Variants in EEA1 observed in about 807,000 individuals in gnomAD.
The protein encoded by EEA1 is early endosome antigen 1.
EEA1 carries 111 observed loss-of-function variants against 209.2 expected under a neutral mutation model. That is an observed-to-expected ratio of 0.53 (90% CI 0.45 to 0.62). The LOEUF (loss-of-function observed/expected upper bound fraction) is 0.62. Ranked by LOEUF, EEA1 falls within the 20% of genes least tolerant of loss-of-function variation. EEA1 has a pLI of 0.00. For synonymous variants in EEA1, 536 were observed against 540.6 expected (o/e 0.99, Z 0.12); for missense variants, 1,343 against 1,530.8 (o/e 0.88, Z 2.05).
At chr12:92,829,774 G>C (rs1592724154) in intron 11 of EEA1, among the ~76,000 whole-genome samples, 2 of 82,938 alleles carry the variant, frequency 2.4e-5, no homozygotes, top group African/African-American at 1.1e-4. Context: ...GTGAAACTCT[G>C]TCTTAAAAAA....
chr12:92,836,179 T>C (rs1876922432), intron 10 of EEA1, among the ~76,000 whole-genome samples: 1 of 152,216 alleles, frequency 6.6e-6, no homozygotes, highest in Admixed American at 6.5e-5. Context: ...TCATGGATTA[T>C]GATTCTAAAT....
At position 92,775,202 on chromosome 12, in the gene EEA1, G is replaced by C. The variant is rs1873603461; in HGVS notation, c.*809C>G. 6.6e-6 allele frequency: 1 copy of C among 151,634 alleles called. No individual in the cohort carries two copies. Among genetic ancestry groups the C allele is most frequent in the Admixed American group, 6.6e-5 (1 of 15,168 alleles). The allele number at this position is 151,634 out of a possible 1,614,324, so 9.4% of individuals were successfully genotyped here. A position where few individuals can be genotyped will look rare whatever the true frequency, so the allele number is the denominator to read the frequency against. On this transcript the variant is annotated 3_prime_UTR_variant, in exon 29 of 29. Coordinates refer to ENST00000322349, the MANE Select transcript of EEA1 (RefSeq NM_003566.4). ...TTTATTATTCATCCTCCAACTGACA[G>C]CGAGGGTAAGAAGCTTTCTAAGATT...
chr12:92,891,795 T>C, intron 1 of EEA1, 74 bp from the exon 2 acceptor site: 2 of 1,060,792 alleles, frequency 1.9e-6, no homozygotes, highest in Non-Finnish European at 2.8e-6. Context: ...CATTTAATAA[T>C]CTAAACCTTT....
rs149721569 is a variant in EEA1, at chr12:92,838,601, T to C, written c.915+3864A>G. 7.0e-4 allele frequency among the ~76,000 whole-genome samples: 106 copies of C among 152,140 alleles called. No homozygotes were observed. The East Asian group carries it at 9.9e-3, about 14-fold the overall frequency. The stretch of plus-strand genomic sequence containing the variant: ...AACATCAATCAACACCAAGAGTTGA[T>C]GGGGAAAGGGGCAATGGTAAACTGG... On this transcript the variant is annotated intron_variant, in intron 10 of 28. Coordinates refer to ENST00000322349, the MANE Select transcript of EEA1 (RefSeq NM_003566.4).
chr12:92,779,608 C>A (rs916505314), intron 24 of EEA1, among the ~76,000 whole-genome samples: 1 of 152,058 alleles, frequency 6.6e-6, no homozygotes, highest in Non-Finnish European at 1.5e-5. Flanking sequence ...TTAGTTATCA[C>A]ACACTGAGTT....
chr12:92,853,891 A>C (rs1253342568), intron 6 of EEA1, 24 bp downstream of exon 6: 5 of 1,588,158 alleles, frequency 3.1e-6, no homozygotes, highest in Non-Finnish European at 4.3e-6. Context: ...AAACTGACAA[A>C]ATATCTGCTT....
intron 2 of EEA1, among the ~76,000 whole-genome samples, chr12:92,872,260 G>A (rs970784779): frequency 8.6e-5 from 13 of 151,996 alleles, no homozygotes; most frequent in African/African-American, 3.1e-4. Flanking sequence ...TGTTGGCCAG[G>A]CTGGTCTCCA....
At chr12:92,903,008 T>C (rs1326564696) in intron 1 of EEA1, among the ~76,000 whole-genome samples, 3 of 151,044 alleles carry the variant, frequency 2.0e-5, no homozygotes, top group Non-Finnish European at 4.4e-5. Flanking sequence ...GATCTTGACT[T>C]ACTGCAAGCT....
intron 22 of EEA1, among the ~76,000 whole-genome samples, chr12:92,784,970 C>T (rs1333149244): frequency 6.7e-6 from 1 of 149,388 alleles, no homozygotes; most frequent in African/African-American, 2.5e-5. Context: ...ATGATTTCTG[C>T]AGTGTTCCAT....
intron 28 of EEA1, among the ~76,000 whole-genome samples, chr12:92,776,625 T>TA: frequency 6.6e-6 from 1 of 151,940 alleles, no homozygotes; most frequent in East Asian, 1.9e-4. Context: ...TCCCAGACAG[T>TA]AACTAAGTTG....
Position 92,857,342 on chromosome 12 carries a change from TAATA to T in EEA1, c.301-6_301-3del. On this transcript the variant is annotated splice_polypyrimidine_tract_variant and splice_region_variant and intron_variant, in intron 4 of 28. Transcript: ENST00000322349. ...TTCTTCCGAGTACCATTTTTCTTCC[TAATA>T]AAAAAGATTTTTAATTAGTAAATTT... The T allele has an allele frequency of 6.3e-7, 1 of 1,584,486 alleles. No individual in the cohort carries two copies. Among genetic ancestry groups the T allele is most frequent in the Non-Finnish European group, 8.6e-7 (1 of 1,168,120 alleles).
Position 92,826,185 on chromosome 12 carries a change from G to A in EEA1, c.1505C>T (p.Ala502Val). 2 of 1,613,236 alleles carry A rather than the reference G, an allele frequency of 1.2e-6. No individual in the cohort carries two copies. Among genetic ancestry groups the A allele is most frequent in the Non-Finnish European group, 8.5e-7 (1 of 1,179,488 alleles). Residue 502 changes from alanine to valine, a missense_variant, in exon 13 of 29, where the codon GCA (alanine) becomes GTA (valine). Physicochemically the swap from Ala to Val is moderately conservative, Grantham distance 64. Coordinates refer to ENST00000322349, the MANE Select transcript of EEA1 (RefSeq NM_003566.4). ...EQQALQQSTT[A>V]KLREAQNDLE... ...GTTTACCTGAGCTTCTCGAAGTTTT[G>A]CCGTGGTGCTTTGCTGAAGAGCCTG...
chr12:92,826,810 T>G (rs1162801295), intron 12 of EEA1, among the ~76,000 whole-genome samples: 2 of 152,236 alleles, frequency 1.3e-5, no homozygotes, highest in East Asian at 3.9e-4. Flanking sequence ...TAAATAGGCT[T>G]ATCCTAAAAA....
At chr12:92,818,481 T>C (rs1366223931) in intron 14 of EEA1, among the ~76,000 whole-genome samples, 2 of 152,212 alleles carry the variant, frequency 1.3e-5, no homozygotes, top group African/African-American at 4.8e-5. Context: ...AGAAACAGAT[T>C]TATTTTAATT....
chr12:92,839,407 G>T (rs1378622715), intron 10 of EEA1, among the ~76,000 whole-genome samples: 1 of 152,134 alleles, frequency 6.6e-6, no homozygotes, highest in Non-Finnish European at 1.5e-5. Flanking sequence ...ATCAAATAAA[G>T]AAAGCCACAA....
chr12:92,903,617 A>G (rs775010344), intron 1 of EEA1, among the ~76,000 whole-genome samples: 32 of 152,062 alleles, frequency 2.1e-4, no homozygotes, highest in Non-Finnish European at 4.4e-4. Context: ...AAGAAAAATG[A>G]GAATGCATAT....
At chr12:92,877,676 G>A (rs530594451) in intron 2 of EEA1, among the ~76,000 whole-genome samples, 32 of 151,954 alleles carry the variant, frequency 2.1e-4, no homozygotes, top group Non-Finnish European at 3.2e-4. Context: ...CTACAGGTGC[G>A]TGCCACCACA....
intron 22 of EEA1, among the ~76,000 whole-genome samples, chr12:92,785,619 C>T (rs950202345): frequency 6.6e-6 from 1 of 152,124 alleles, no homozygotes; most frequent in Non-Finnish European, 1.5e-5. Context: ...ATAAAATTTA[C>T]CAATCTTTTA....
intron 2 of EEA1, among the ~76,000 whole-genome samples, chr12:92,888,595 CAAAA>C (rs905395194): frequency 2.4e-5 from 3 of 125,278 alleles, no homozygotes; most frequent in African/African-American, 9.1e-5. Flanking sequence ...AACAAACAAA[CAAAA>C]AAAAAAACCC....
Sources: allele counts gnomAD v4.1 joint callset (sites outside exome capture counted in the v4.1 genomes callset), GRCh38; gene constraint gnomAD v4.1.1; transcripts MANE v1.5; gene names NCBI Gene and HGNC (gene_info 2026-07-23, HGNC 2026-07-21).